The following HYDIN variants were observed in gnomAD, a reference collection of about 807,000 sequenced individuals.
The protein encoded by HYDIN is HYDIN axonemal central pair apparatus protein.
In HYDIN, 132 loss-of-function variants were observed where a neutral mutation model predicts 403.9. The ratio of observed to expected loss-of-function variants is 0.33; its 90% CI spans 0.28 to 0.38. The LOEUF (loss-of-function observed/expected upper bound fraction) is 0.38, where lower values mean the gene tolerates loss of function less well. Among genes scored for constraint, HYDIN ranks in the 10% least tolerant of loss-of-function variants. HYDIN has a pLI of 1.00. For missense variants in HYDIN, 2,827 were observed against 5,009.5 expected, an observed-to-expected ratio of 0.56 and a Z score of 13.15; for synonymous variants, 1,202 against 1,891.7, an observed-to-expected ratio of 0.64 and a Z score of 9.46.
In HYDIN at chr16:70,985,210, C is replaced by G. The variant is rs373246299; in HGVS notation, c.4307G>C (p.Gly1436Ala). 3.1e-6 allele frequency: 5 copies of G among 1,607,108 alleles called. No individual in the cohort carries two copies. The highest frequency in any genetic ancestry group is 1.3e-5 in the African/African-American group (1 of 74,562). ...HQSSPDNLLPGVPLILPVSGF... is the reference protein window; with the variant it reads ...HQSSPDNLLPAVPLILPVSGF... ...AGACACAGGCAGGATTAGTGGCACT[C>G]CAGGGAGAAGGTTGTCTGGAGAAGA... Residue 1436 changes from glycine to alanine, a missense_variant, in exon 28 of 86, where the codon GGA becomes GCA. Coordinates refer to ENST00000393567, the MANE Select transcript of HYDIN (RefSeq NM_001270974.2).
At chr16:70,875,380 C>T (rs1353223909) in intron 62 of HYDIN, among the ~76,000 whole-genome samples, 1 of 151,994 alleles carries the variant, frequency 6.6e-6, no homozygotes, top group Admixed American at 6.6e-5. Flanking sequence ...AGCATCCTAC[C>T]ACGATAAGAG....
intron 78 of HYDIN, 80 bp from the exon 79 acceptor site, chr16:70,834,244 C>T (rs1597075498): frequency 9.4e-6 from 8 of 848,026 alleles, no homozygotes; most frequent in Middle Eastern, 2.7e-4. Flanking sequence ...CTTGCTGCTG[C>T]GATTGGAACA....
chr16:71,067,255 G>A (rs766943873), intron 15 of HYDIN, 35 bp downstream of exon 15: 366 of 1,377,904 alleles, frequency 2.7e-4, no homozygotes, highest in Non-Finnish European at 3.2e-4. Flanking sequence ...AGGCTCGGGG[G>A]CGACTCAGGA....
intron 1 of HYDIN, among the ~76,000 whole-genome samples, chr16:71,214,386 A>T (rs2088763528): frequency 6.6e-6 from 1 of 152,206 alleles, no homozygotes; most frequent in Admixed American, 6.5e-5. Flanking sequence ...TTTAGATGAG[A>T]CTTGACATGC....
rs576275963 is a variant in HYDIN at position 71,040,967 on chromosome 16, C to T, written c.2530-9050G>A. On this transcript the variant is annotated intron_variant, in intron 18 of 85. Transcript: ENST00000393567. ...GAAGAATGAATCACGTCCTCCTCTG[C>T]GCTTCACATTATAACCCAGCTGTAT... Among the ~76,000 whole-genome samples, 11 of 150,378 alleles carry T rather than the reference C, an allele frequency of 7.3e-5. No individual in the cohort carries two copies. In the South Asian group the frequency reaches 1.7e-3, roughly 23 times the overall value.
chr16:70,853,040 G>A (rs2038768755), intron 73 of HYDIN, among the ~76,000 whole-genome samples: 1 of 150,602 alleles, frequency 6.6e-6, no homozygotes, highest in Non-Finnish European at 1.5e-5. Context: ...AATTAGCCGG[G>A]CATAGTGGTG....
intron 19 of HYDIN, among the ~76,000 whole-genome samples, chr16:71,029,933 A>G (rs1385326658): frequency 6.6e-6 from 1 of 152,160 alleles, no homozygotes; most frequent in Non-Finnish European, 1.5e-5. Flanking sequence ...ACTGCAACAG[A>G]TAAGTTCAAA....
chr16:71,165,680 G>A (rs1367829287), intron 5 of HYDIN, among the ~76,000 whole-genome samples: 5 of 151,994 alleles, frequency 3.3e-5, no homozygotes, highest in African/African-American at 7.3e-5. Flanking sequence ...GATGAGTGAC[G>A]GGAAATAAAT....
chr16:70,804,743 G>A lies in HYDIN; in HGVS notation c.*2837C>T, dbSNP rs193203641. ...GGCACCAAACAGCTATGAGGAAGCAGGTCTGAGCGCAGGCTGATCTAGTGA... is the reference window on the plus strand; with the variant it reads ...GGCACCAAACAGCTATGAGGAAGCAAGTCTGAGCGCAGGCTGATCTAGTGA... On this transcript the variant is annotated 3_prime_UTR_variant, in exon 86 of 86. Transcript: ENST00000393567. Among the ~76,000 whole-genome samples the A allele has an allele frequency of 7.9e-5, 12 of 152,380 alleles. No individual in the cohort carries two copies. Among genetic ancestry groups the A allele is most frequent in the Non-Finnish European group, 1.2e-4 (8 of 68,038 alleles).
In HYDIN at chr16:71,027,559, A is replaced by G. The variant is rs776505572; in HGVS notation, c.3042+43T>C. ...TAAGAAATAGATACAGTAGAGATTT[A>G]TTTAGGAAAAAACAATAGCTTCCAA... is the stretch of plus-strand genomic sequence containing the variant. On this transcript the variant is annotated intron_variant, in intron 20 of 85. Transcript: ENST00000393567. 10 of 1,613,178 alleles carry G rather than the reference A, an allele frequency of 6.2e-6. No homozygotes were observed. The South Asian group carries it at 1.1e-4, about 18-fold the overall frequency.
chr16:71,177,996 A>C lies in HYDIN; in HGVS notation c.381+932T>G, dbSNP rs143815835. Among the ~76,000 whole-genome samples the C allele has an allele frequency of 9.7e-4, 148 of 152,344 alleles. 1 individual carries two copies. In the East Asian group the frequency reaches 0.028, roughly 29 times the overall value. On this transcript the variant is annotated intron_variant, in intron 4 of 85. Transcript: ENST00000393567. ...AGCCTTCAAAACTGACTGTAGACAA[A>C]CTTTGAAGGCTATCTTCTACAGAAA...
chr16:70,902,821 A>ATATATATCTTTTTTTTTTTTTTTTTT, intron 52 of HYDIN, among the ~76,000 whole-genome samples: 1 of 47,318 alleles, frequency 2.1e-5, no homozygotes, highest in African/African-American at 1.2e-4. Flanking sequence ...ATATATATAT[A>ATATATATCTTTTTTTTTTTTTTTTTT]TTTTTTTTTT....
chr16:71,224,559 CTTTTTTT>C (rs34595246), intron 1 of HYDIN, among the ~76,000 whole-genome samples: 1 of 117,388 alleles, frequency 8.5e-6, no homozygotes, highest in Admixed American at 8.7e-5. Context: ...TAAGGTTTTT[CTTTTTTT>C]TTTTTTTTTT....
chr16:71,113,962 C>T (rs1451267938), intron 10 of HYDIN: 1 of 150,878 alleles, frequency 6.6e-6, no homozygotes, highest in Non-Finnish European at 1.5e-5. Context: ...TTGGGATTGC[C>T]TGATGTTTCC....
At chr16:70,808,462 T>G (rs1397183165) in intron 85 of HYDIN, among the ~76,000 whole-genome samples, 1 of 152,170 alleles carries the variant, frequency 6.6e-6, no homozygotes, top group Non-Finnish European at 1.5e-5. Flanking sequence ...GTCACTTCCA[T>G]GCTAGAGCCT....
At chr16:71,168,319 CAAAAAAA>C (rs71302043) in intron 5 of HYDIN, among the ~76,000 whole-genome samples, 95 of 86,458 alleles carry the variant, frequency 1.1e-3, no homozygotes, top group African/African-American at 4.1e-3. Context: ...AACCCTGCTT[CAAAAAAA>C]AAAAAAAAAA....
chr16:70,895,073 T>G (rs1033156061), intron 54 of HYDIN, among the ~76,000 whole-genome samples: 1 of 150,798 alleles, frequency 6.6e-6, no homozygotes, highest in Non-Finnish European at 1.5e-5. Flanking sequence ...AATGCTGCAA[T>G]AAAAGATCTT....
intron 6 of HYDIN, among the ~76,000 whole-genome samples, chr16:71,161,988 G>T (rs1253356272): frequency 9.8e-6 from 1 of 101,676 alleles, no homozygotes; most frequent in Admixed American, 1.0e-4. Context: ...AAAACTGAGG[G>T]CCATGAGCCA....
intron 10 of HYDIN, among the ~76,000 whole-genome samples, chr16:71,110,395 TATATATTTATATATA>T (rs929305620): frequency 3.2e-3 from 459 of 141,510 alleles, no homozygotes; most frequent in East Asian, 8.5e-3. Flanking sequence ...ATATTTTATA[TATATATTTATATATA>T]ATATATTTAT....
Sources: allele counts gnomAD v4.1 joint callset (sites outside exome capture counted in the v4.1 genomes callset), GRCh38; gene constraint gnomAD v4.1.1; transcripts MANE v1.5; gene names NCBI Gene and HGNC (gene_info 2026-07-23, HGNC 2026-07-21).